Variants in MGAT1 observed in about 807,000 individuals in gnomAD.
MGAT1 encodes N-glycosyl-oligosaccharide-glycoprotein N-acetylglucosaminyltransferase I.
In MGAT1, 14 loss-of-function variants were observed where a neutral mutation model predicts 31.7. The observed-to-expected ratio is 0.44, with a 90% CI of 0.29 to 0.69. The LOEUF (loss-of-function observed/expected upper bound fraction) is 0.69, where lower values mean the gene tolerates loss of function less well. Among genes scored for constraint, MGAT1 ranks in the 30% least tolerant of loss-of-function variants. The pLI is 0.12. For synonymous variants in MGAT1, 338 were observed against 276.0 expected, an observed-to-expected ratio of 1.22 and a Z score of -2.23; for missense variants, 557 against 626.0, an observed-to-expected ratio of 0.89 and a Z score of 1.18.
chr5:180,793,504 C>T (rs1435825757), intron 1 of MGAT1, among the ~76,000 whole-genome samples: 1 of 152,174 alleles, frequency 6.6e-6, no homozygotes, highest in Admixed American at 6.5e-5. Context: ...AACAGGGAAG[C>T]ACCAGAGGCA....
upstream of MGAT1, among the ~76,000 whole-genome samples, chr5:180,805,073 G>C (rs1394120409): frequency 6.6e-6 from 1 of 152,198 alleles, no homozygotes; most frequent in Non-Finnish European, 1.5e-5. Context: ...AACTGACCTG[G>C]GGAAAAGAGG....
chr5:180,791,842 T>C lies in MGAT1; in HGVS notation c.1130A>G (p.Asp377Gly), dbSNP rs1430731097. 3 of 1,614,198 alleles carry C rather than the reference T, an allele frequency of 1.9e-6. No individual in the cohort carries two copies. Among genetic ancestry groups the C allele is most frequent in the Non-Finnish European group, 2.5e-6 (3 of 1,180,040 alleles). Residue 377 changes from aspartate (D) to glycine (G), a missense_variant, in exon 2 of 2, where the codon GAC (aspartate) becomes GGC (glycine). Physicochemically the swap from Asp to Gly is moderately conservative, Grantham distance 94. Coordinates refer to ENST00000307826, the MANE Select transcript of MGAT1 (RefSeq NM_002406.4). ...CCGCACCTCCCCCAGCTCCTTCCGG[T>C]CATTGGTCCTCACTTTCTCCACCTG... is the stretch of plus-strand genomic sequence containing the variant. ...QLQVEKVRTN[D>G]RKELGEVRVQ... is the part of the protein sequence containing the mutation.
rs1212686458 is a variant in MGAT1 at position 180,788,565 on chromosome 5, G to C, written c.*3069C>G. 1 of 152,450 alleles carries C rather than the reference G, an allele frequency of 6.6e-6. No individual in the cohort carries two copies. Among genetic ancestry groups the C allele is most frequent in the East Asian group, 1.9e-4 (1 of 5,200 alleles). The allele number at this position is 152,450 out of a possible 1,614,324, so 9.4% of individuals were successfully genotyped here. A position where few individuals can be genotyped will look rare whatever the true frequency, so the allele number is the denominator to read the frequency against. Reference sequence around the variant, plus strand: ...TGTGACCTTGGGCAACTTCACCTCTGTGTGCCTGCTTCCTCACTGGTAAAA... The same window carrying C: ...TGTGACCTTGGGCAACTTCACCTCTCTGTGCCTGCTTCCTCACTGGTAAAA... On this transcript the variant is annotated 3_prime_UTR_variant, in exon 2 of 2. Transcript: ENST00000307826.
chr5:180,805,434 T>C (rs1163613620), upstream of MGAT1, among the ~76,000 whole-genome samples: 2 of 152,218 alleles, frequency 1.3e-5, no homozygotes, highest in Non-Finnish European at 2.9e-5. Context: ...AATTAAAACA[T>C]ATGTTGGCTT....
chr5:180,797,438 G>A (rs961733041), intron 1 of MGAT1, among the ~76,000 whole-genome samples: 3 of 134,136 alleles, frequency 2.2e-5, no homozygotes, highest in Admixed American at 7.3e-5. Context: ...AAGGGGGGGG[G>A]GGCCCAGAGG....
In MGAT1 at chr5:180,791,952, G is replaced by A; in HGVS notation, c.1020C>T (p.His340=). The change falls in exon 2 of 2, where the codon CAC becomes CAT. Residue 340 remains histidine, a synonymous_variant. Coordinates refer to ENST00000307826, the MANE Select transcript of MGAT1 (RefSeq NM_002406.4). ...KFIKLNQQFV[H]FTQLDLSYLQ... ...GGTAAGACAGGTCCAGCTGGGTGAA[G>A]TGCACAAACTGCTGGTTCAGCTTGA... 2 of 1,614,200 alleles carry A rather than the reference G, an allele frequency of 1.2e-6. No individual in the cohort carries two copies. The highest frequency in any genetic ancestry group is 1.7e-6 in the Non-Finnish European group (2 of 1,180,050).
At chr5:180,797,316 C>G (rs889814119) in intron 1 of MGAT1, among the ~76,000 whole-genome samples, 19 of 151,076 alleles carry the variant, frequency 1.3e-4, no homozygotes, top group African/African-American at 4.6e-4. Context: ...ACAGGAGAAT[C>G]CCTTGAACCT....
In MGAT1 at chr5:180,791,348, G is replaced by T; in HGVS notation, c.*286C>A. 1 of 512,130 alleles carries T rather than the reference G, an allele frequency of 2.0e-6. No individual in the cohort carries two copies. Among genetic ancestry groups the T allele is most frequent in the Non-Finnish European group, 3.5e-6 (1 of 286,872 alleles). 31.7% of individuals were successfully genotyped at this position (512,130 alleles called of 1,614,324 possible). A position where few individuals can be genotyped will look rare whatever the true frequency, so the allele number is the denominator to read the frequency against. On this transcript the variant is annotated 3_prime_UTR_variant, in exon 2 of 2. Transcript: ENST00000307826. ...GCACATGCTCCAGGAGAAAGCTCAGGACGTGGACATTTCTGGCCCCAACAA... is the reference window on the plus strand; with the variant it reads ...GCACATGCTCCAGGAGAAAGCTCAGTACGTGGACATTTCTGGCCCCAACAA...
chr5:180,814,759 G>A (rs1772764712), intron 1 of MGAT1, among the ~76,000 whole-genome samples: 1 of 152,006 alleles, frequency 6.6e-6, no homozygotes, highest in Non-Finnish European at 1.5e-5. Context: ...GACCAAGATG[G>A]TGAAACCCCA....
At chr5:180,793,461 G>A (rs896320544) in intron 1 of MGAT1, among the ~76,000 whole-genome samples, 1 of 152,118 alleles carries the variant, frequency 6.6e-6, no homozygotes, top group African/African-American at 2.4e-5. Flanking sequence ...AAAATCAAAT[G>A]TCCCACCTCA....
At chr5:180,794,910 C>A (rs1769016162) in intron 1 of MGAT1, among the ~76,000 whole-genome samples, 1 of 152,032 alleles carries the variant, frequency 6.6e-6, no homozygotes, top group Non-Finnish European at 1.5e-5. Context: ...CATAATCACT[C>A]AAAACTGGAA....
At chr5:180,810,608 C>T (rs938034553) in intron 1 of MGAT1, 1 of 152,338 alleles carries the variant, frequency 6.6e-6, no homozygotes, top group Non-Finnish European at 1.5e-5. Context: ...GCCCTGCCCT[C>T]TCCCTCCGCC....
chr5:180,785,840 T>C lies in MGAT1; in HGVS notation c.*5794A>G, dbSNP rs1477941116. 1 of 152,310 alleles carries C rather than the reference T, an allele frequency of 6.6e-6. No individual in the cohort carries two copies. The highest frequency in any genetic ancestry group is 1.5e-5 in the Non-Finnish European group (1 of 68,090). 9.4% of individuals were successfully genotyped at this position (152,310 alleles called of 1,614,324 possible). A position where few individuals can be genotyped will look rare whatever the true frequency, so the allele number is the denominator to read the frequency against. On this transcript the variant is annotated 3_prime_UTR_variant, in exon 2 of 2. Coordinates refer to ENST00000307826, the MANE Select transcript of MGAT1 (RefSeq NM_002406.4). ...TTTGGCAGGCTTGCCTCATTGCCCT[T>C]GCAGGGAAGGCTGCCTGTCTCTAGC... is the stretch of plus-strand genomic sequence containing the variant.
In MGAT1 at chr5:180,788,794, T is replaced by C. The variant is rs2113157342; in HGVS notation, c.*2840A>G. 1 of 147,062 alleles carries C rather than the reference T, an allele frequency of 6.8e-6. No homozygotes were observed. Among genetic ancestry groups the C allele is most frequent in the South Asian group, 2.3e-4 (1 of 4,384 alleles). 9.1% of individuals were successfully genotyped at this position (147,062 alleles called of 1,614,324 possible). ...CCTGGAGCACTAAGTAAGTTGGTAC[T>C]TATCCTGGAGCACTAAGTAAGTTGG... On this transcript the variant is annotated 3_prime_UTR_variant, in exon 2 of 2. Transcript: ENST00000307826.
intron 1 of MGAT1, among the ~76,000 whole-genome samples, chr5:180,798,280 G>A (rs1378442439): frequency 2.0e-5 from 3 of 152,016 alleles, no homozygotes; most frequent in Non-Finnish European, 2.9e-5. Flanking sequence ...CCACACTCCC[G>A]TCTGGTACCC....
chr5:180,802,858 G>A (rs1345691460), upstream of MGAT1: 2 of 150,096 alleles, frequency 1.3e-5, no homozygotes, highest in Non-Finnish European at 3.0e-5. Flanking sequence ...TCCCCGGCAG[G>A]CGGGGCGGGG....
In MGAT1 at chr5:180,786,815, C is replaced by T. The variant is rs1469789198; in HGVS notation, c.*4819G>A. 1 of 152,304 alleles carries T rather than the reference C, an allele frequency of 6.6e-6. No individual in the cohort carries two copies. The highest frequency in any genetic ancestry group is 1.5e-5 in the Non-Finnish European group (1 of 68,140). The allele number at this position is 152,304 out of a possible 1,614,324, so 9.4% of individuals were successfully genotyped here. On this transcript the variant is annotated 3_prime_UTR_variant, in exon 2 of 2. Transcript: ENST00000307826. ...CTCATTTCCGTCCGGCGCTGGGATCCAGGCTTCCTGCTCTGCAACTGAATC... is the reference window on the plus strand; with the variant it reads ...CTCATTTCCGTCCGGCGCTGGGATCTAGGCTTCCTGCTCTGCAACTGAATC...
rs1768095451 is a variant in MGAT1, at chr5:180,791,603, C to T, written c.*31G>A. Reference sequence around the variant, plus strand: ...GGTCCCACCTCAGCTCATGATGTGGCAAGGAGGGGCCCAGGAAGGACAGGC... The same window carrying T: ...GGTCCCACCTCAGCTCATGATGTGGTAAGGAGGGGCCCAGGAAGGACAGGC... On this transcript the variant is annotated 3_prime_UTR_variant, in exon 2 of 2. Coordinates refer to ENST00000307826, the MANE Select transcript of MGAT1 (RefSeq NM_002406.4). 1.2e-6 allele frequency: 2 copies of T among 1,603,482 alleles called. No individual in the cohort carries two copies. Among genetic ancestry groups the T allele is most frequent in the South Asian group, 1.1e-5 (1 of 89,658 alleles).
intron 1 of MGAT1, chr5:180,811,254 A>C (rs911866476): frequency 2.0e-5 from 3 of 152,310 alleles, no homozygotes; most frequent in South Asian, 2.1e-4. Flanking sequence ...CAGAGCACGG[A>C]CTGACTTAAC....
Sources: allele counts gnomAD v4.1 joint callset (sites outside exome capture counted in the v4.1 genomes callset), GRCh38; gene constraint gnomAD v4.1.1; transcripts MANE v1.5; gene names NCBI Gene and HGNC (gene_info 2026-07-23, HGNC 2026-07-21).